PDE7B: variants seen among roughly 807,000 people sequenced by gnomAD.
PDE7B encodes the protein 3',5'-cyclic-AMP phosphodiesterase 7B.
A neutral mutation model predicts 56.2 loss-of-function variants in PDE7B; 29 were observed. That is an observed-to-expected ratio of 0.52 (90% CI 0.38 to 0.70). The LOEUF is 0.70. Ranked by LOEUF, PDE7B falls within the 30% of genes least tolerant of loss-of-function variation. PDE7B has a pLI of 0.00. For synonymous variants in PDE7B, 197 were observed against 196.9 expected (o/e 1.00, Z 0.00); for missense variants, 490 against 565.0 (o/e 0.87, Z 1.35).
intron 8 of PDE7B, among the ~76,000 whole-genome samples, chr6:136,161,200 CTTCT>C (rs1001595107): frequency 5.9e-5 from 9 of 152,246 alleles, no homozygotes; most frequent in African/African-American, 1.9e-4. Flanking sequence ...TCCTGAAAGT[CTTCT>C]TTTTCTCTAA....
chr6:135,913,997 A>G (rs943168049), intron 1 of PDE7B, among the ~76,000 whole-genome samples: 9 of 152,208 alleles, frequency 5.9e-5, no homozygotes, highest in African/African-American at 1.9e-4. Flanking sequence ...TGAGTGGAGT[A>G]TAGCGTTGAG....
At chr6:135,876,640 C>T (rs1775498221) in intron 1 of PDE7B, among the ~76,000 whole-genome samples, 2 of 152,012 alleles carry the variant, frequency 1.3e-5, no homozygotes, top group South Asian at 2.1e-4. Context: ...AGGTGAATCA[C>T]GAGGTCAGGA....
At chr6:136,174,680 T>C (rs1248652115) in intron 9 of PDE7B, among the ~76,000 whole-genome samples, 2 of 152,152 alleles carry the variant, frequency 1.3e-5, no homozygotes, top group African/African-American at 4.8e-5. Context: ...AAGGACCAAG[T>C]GCTGTCTCCC....
intron 2 of PDE7B, chr6:136,072,798 G>C (rs986935194): frequency 6.6e-6 from 1 of 152,222 alleles, no homozygotes; most frequent in African/African-American, 2.4e-5. Context: ...CGGTGGAGCT[G>C]CGGGACACAT....
chr6:135,975,803 C>A (rs965553926), intron 2 of PDE7B, among the ~76,000 whole-genome samples: 1 of 52,486 alleles, frequency 1.9e-5, no homozygotes, highest in Non-Finnish European at 3.3e-5. Flanking sequence ...AATGGGGATA[C>A]CTTAGGTGCC....
intron 1 of PDE7B, among the ~76,000 whole-genome samples, chr6:135,872,537 A>T (rs1458650070): frequency 6.6e-6 from 1 of 152,324 alleles, no homozygotes; most frequent in East Asian, 1.9e-4. Flanking sequence ...TATATTAAAA[A>T]TTGGTTAGGA....
At chr6:136,105,850 G>T (rs1180100165) in intron 2 of PDE7B, among the ~76,000 whole-genome samples, 1 of 152,050 alleles carries the variant, frequency 6.6e-6, no homozygotes, top group African/African-American at 2.4e-5. Context: ...CGTAATAATG[G>T]GCCTCCGCTG....
At chr6:136,040,695 G>T (rs867295684) in intron 2 of PDE7B, among the ~76,000 whole-genome samples, 1 of 151,732 alleles carries the variant, frequency 6.6e-6, no homozygotes, top group African/African-American at 2.4e-5. Flanking sequence ...GTGCTCCCTC[G>T]CTCTCTCTCT....
At chr6:135,906,566 AC>A (rs1370515538) in intron 1 of PDE7B, among the ~76,000 whole-genome samples, 1 of 152,174 alleles carries the variant, frequency 6.6e-6, no homozygotes, top group Admixed American at 6.5e-5. Context: ...AGATGATTAT[AC>A]CATATAAGAG....
intron 1 of PDE7B, among the ~76,000 whole-genome samples, chr6:135,916,392 C>CTTTTTTTTTTTTTTTTTTTTTTTTTTTT (rs566408380): frequency 8.3e-5 from 8 of 96,348 alleles, no homozygotes; most frequent in Non-Finnish European, 1.1e-4. Flanking sequence ...TCTTTTCTTT[C>CTTTTTTTTTTTTTTTTTTTTTTTTTTTT]TTTTTTTTTT....
intron 2 of PDE7B, among the ~76,000 whole-genome samples, chr6:136,081,694 A>G (rs1051180579): frequency 1.3e-5 from 2 of 152,176 alleles, no homozygotes; most frequent in Admixed American, 6.5e-5. Context: ...AAATAATTTG[A>G]ATTTTGGCAT....
chr6:135,930,133 C>T (rs1055328593), intron 1 of PDE7B, among the ~76,000 whole-genome samples: 1 of 152,098 alleles, frequency 6.6e-6, no homozygotes, highest in African/African-American at 2.4e-5. Context: ...GGAGGCCTCA[C>T]AATCATGGTA....
At chr6:136,100,458 G>T (rs1005381922) in intron 2 of PDE7B, among the ~76,000 whole-genome samples, 1 of 152,142 alleles carries the variant, frequency 6.6e-6, no homozygotes, top group African/African-American at 2.4e-5. Flanking sequence ...TTGAGCAGTG[G>T]TTTGTAATTC....
intron 1 of PDE7B, among the ~76,000 whole-genome samples, chr6:135,900,632 C>T (rs941891348): frequency 6.6e-6 from 1 of 152,050 alleles, no homozygotes; most frequent in Non-Finnish European, 1.5e-5. Flanking sequence ...GGCATGTCTA[C>T]TTGCTGCCTA....
At chr6:136,084,719 T>G (rs952204700) in intron 2 of PDE7B, among the ~76,000 whole-genome samples, 2 of 152,214 alleles carry the variant, frequency 1.3e-5, no homozygotes, top group African/African-American at 4.8e-5. Context: ...GTTGGAATCC[T>G]ACTGTATTTG....
At chr6:136,024,616 G>A (rs1016526982) in intron 2 of PDE7B, among the ~76,000 whole-genome samples, 2 of 152,114 alleles carry the variant, frequency 1.3e-5, no homozygotes, top group African/African-American at 2.4e-5. Context: ...TGATGTTAGT[G>A]GCTGGATTTC....
intron 2 of PDE7B, among the ~76,000 whole-genome samples, chr6:136,018,944 G>A (rs1776024346): frequency 6.6e-6 from 1 of 151,954 alleles, no homozygotes; most frequent in Non-Finnish European, 1.5e-5. Flanking sequence ...AGCAGTGTAT[G>A]ACTGGGCTTC....
chr6:135,871,192 T>C (rs2128186696), intron 1 of PDE7B, among the ~76,000 whole-genome samples: 1 of 152,356 alleles, frequency 6.6e-6, no homozygotes, highest in East Asian at 1.9e-4. Flanking sequence ...GATAGATCAA[T>C]TGTTTTAAAT....
chr6:135,966,737 C>A (rs2128202245), intron 2 of PDE7B, among the ~76,000 whole-genome samples: 1 of 152,272 alleles, frequency 6.6e-6, no homozygotes, highest in Non-Finnish European at 1.5e-5. Flanking sequence ...CTACTCCCAT[C>A]CCCTTTAATT....
Sources: allele counts gnomAD v4.1 joint callset (sites outside exome capture counted in the v4.1 genomes callset), GRCh38; gene constraint gnomAD v4.1.1; transcripts MANE v1.5; gene names NCBI Gene and HGNC (gene_info 2026-07-23, HGNC 2026-07-21).